The following RBFOX1 variants were observed in gnomAD, a reference collection of about 807,000 sequenced individuals.
RBFOX1 encodes RNA binding fox-1 homolog 1.
RBFOX1 carries 8 observed loss-of-function variants against 57.7 expected under a neutral mutation model. That is an observed-to-expected ratio of 0.14 (90% confidence interval 0.08 to 0.25). The LOEUF (loss-of-function observed/expected upper bound fraction) is 0.25, where lower values mean the gene tolerates loss of function less well. RBFOX1 is among the 10% of genes least tolerant of loss of function. The pLI is 1.00. For synonymous variants in RBFOX1, 326 were observed against 222.4 expected, an observed-to-expected ratio of 1.47 and a Z score of -4.15; for missense variants, 611 against 548.5, an observed-to-expected ratio of 1.11 and a Z score of -1.14.
At chr16:6,848,738 C>G (rs1000736179) in intron 3 of RBFOX1, among the ~76,000 whole-genome samples, 1 of 152,066 alleles carries the variant, frequency 6.6e-6, no homozygotes, top group Non-Finnish European at 1.5e-5. Context: ...CGTTCAGTAA[C>G]ATATGACAAG....
At chr16:7,473,867 C>G (rs2062062747) in intron 4 of RBFOX1, among the ~76,000 whole-genome samples, 1 of 152,142 alleles carries the variant, frequency 6.6e-6, no homozygotes, top group African/African-American at 2.4e-5. Context: ...AGGGGATGTG[C>G]CAAATTACCT....
chr16:5,329,154 G>GT (rs2064672825), intron 1 of RBFOX1, among the ~76,000 whole-genome samples: 1 of 152,188 alleles, frequency 6.6e-6, no homozygotes, highest in Non-Finnish European at 1.5e-5. Context: ...CAAAGGTTAT[G>GT]TAACTAAAGT....
At chr16:6,356,583 A>T (rs2087359572) in intron 2 of RBFOX1, among the ~76,000 whole-genome samples, 1 of 152,190 alleles carries the variant, frequency 6.6e-6, no homozygotes, top group Non-Finnish European at 1.5e-5. Context: ...CCTGAGCAGT[A>T]CATCTTACAA....
chr16:5,634,254 G>C (rs1035156487), intron 3 of RBFOX1, among the ~76,000 whole-genome samples: 2 of 152,176 alleles, frequency 1.3e-5, no homozygotes, highest in African/African-American at 4.8e-5. Context: ...CTGAAGTCTT[G>C]TCCTTACAGC....
chr16:5,709,572 AG>A, intron 3 of RBFOX1, among the ~76,000 whole-genome samples: 1 of 151,462 alleles, frequency 6.6e-6, no homozygotes. Flanking sequence ...TCATTCTCCC[AG>A]GCCTCCTCCT....
chr16:6,171,867 G>A (rs1453401701), intron 1 of RBFOX1, among the ~76,000 whole-genome samples: 1 of 150,022 alleles, frequency 6.7e-6, no homozygotes, highest in East Asian at 2.0e-4. Context: ...TGTCACCCAG[G>A]TTGGAGTGCA....
intron 3 of RBFOX1, among the ~76,000 whole-genome samples, chr16:6,890,486 T>C (rs2065147677): frequency 6.6e-6 from 1 of 151,874 alleles, no homozygotes; most frequent in South Asian, 2.1e-4. Context: ...ACCATGGCAC[T>C]CCAGCCTGGG....
At chr16:7,018,490 G>C (rs945379719) in intron 3 of RBFOX1, among the ~76,000 whole-genome samples, 16 of 152,080 alleles carry the variant, frequency 1.1e-4, no homozygotes, top group African/African-American at 3.9e-4. Flanking sequence ...ATGGACATTT[G>C]GATTGGTTCC....
chr16:6,045,613 G>T (rs1404226847), intron 1 of RBFOX1, among the ~76,000 whole-genome samples: 1 of 152,158 alleles, frequency 6.6e-6, no homozygotes, highest in South Asian at 2.1e-4. Flanking sequence ...CAATGACAAA[G>T]ATAAATGAGG....
intron 1 of RBFOX1, among the ~76,000 whole-genome samples, chr16:6,069,026 A>G: frequency 6.6e-6 from 1 of 152,084 alleles, no homozygotes; most frequent in Non-Finnish European, 1.5e-5. Context: ...AAAAAGAATG[A>G]AGGAAGGGAG....
At chr16:7,697,183 C>G (rs770266397) in intron 14 of RBFOX1, among the ~76,000 whole-genome samples, 1 of 152,074 alleles carries the variant, frequency 6.6e-6, no homozygotes, top group Non-Finnish European at 1.5e-5. Context: ...TTACAGCTGT[C>G]CAGAGAGGGG....
At chr16:7,452,333 G>A (rs1400196232) in intron 4 of RBFOX1, among the ~76,000 whole-genome samples, 3 of 152,160 alleles carry the variant, frequency 2.0e-5, no homozygotes, top group Non-Finnish European at 2.9e-5. Context: ...CCGCGTTAGC[G>A]TGTAGGTGAT....
intron 4 of RBFOX1, among the ~76,000 whole-genome samples, chr16:7,124,507 C>G (rs2067947992): frequency 2.3e-5 from 1 of 43,550 alleles, no homozygotes; most frequent in African/African-American, 9.3e-5. Context: ...CTCGCTCCCC[C>G]TCCCCTCCCC....
At chr16:6,245,620 G>A (rs1251133896) in intron 1 of RBFOX1, among the ~76,000 whole-genome samples, 2 of 152,170 alleles carry the variant, frequency 1.3e-5, no homozygotes, top group Admixed American at 1.3e-4. Context: ...CCTTCTGTGT[G>A]CTAGAGTAGT....
chr16:6,050,666 A>G (rs754909137), intron 1 of RBFOX1, among the ~76,000 whole-genome samples: 1 of 151,908 alleles, frequency 6.6e-6, no homozygotes, highest in Non-Finnish European at 1.5e-5. Flanking sequence ...CTGTAATTTT[A>G]CCCTTCCTTC....
At chr16:6,608,342 T>C (rs1322739096) in intron 2 of RBFOX1, among the ~76,000 whole-genome samples, 4 of 152,232 alleles carry the variant, frequency 2.6e-5, no homozygotes, top group African/African-American at 4.8e-5. Flanking sequence ...AAAGACTGGC[T>C]TAAATCCCAG....
At chr16:6,668,377 A>G (rs1291360687) in intron 3 of RBFOX1, among the ~76,000 whole-genome samples, 1 of 152,214 alleles carries the variant, frequency 6.6e-6, no homozygotes, top group Non-Finnish European at 1.5e-5. Flanking sequence ...CTGTCACAGA[A>G]TCTGGCATCT....
At chr16:7,559,640 A>C (rs981763742) in intron 5 of RBFOX1, among the ~76,000 whole-genome samples, 12 of 152,206 alleles carry the variant, frequency 7.9e-5, no homozygotes, top group Admixed American at 3.9e-4. Context: ...GTGCTTTCCA[A>C]GGTGGATATG....
At position 5,928,077 on chromosome 16, in the gene RBFOX1, G is replaced by A. The variant is rs147243061; in HGVS notation, c.351+60742G>A. On this transcript the variant is annotated intron_variant, in intron 4 of 19. Transcript: ENST00000641259. ...TGTATTTTGAAATAGCTGAATAAATGTATTTTATTTTTATTTATTTATTTT... is the reference window on the plus strand; with the variant it reads ...TGTATTTTGAAATAGCTGAATAAATATATTTTATTTTTATTTATTTATTTT... 4.0e-3 allele frequency among the ~76,000 whole-genome samples: 610 copies of A among 152,168 alleles called. 8 individuals carry two copies. Among genetic ancestry groups the A allele is most frequent in the African/African-American group, 0.014 (585 of 41,536 alleles).
Sources: gnomAD v4.1 joint callset for allele counts (sites outside exome capture counted in the v4.1 genomes callset) on GRCh38, gnomAD v4.1.1 for gene constraint, MANE v1.5 for transcripts, NCBI Gene and HGNC (gene_info 2026-07-23, HGNC 2026-07-21) for gene names.